The following CCPG1 variants were observed in gnomAD, a reference collection of about 807,000 sequenced individuals.
The protein encoded by CCPG1 is cell cycle progression 1, also known as cell cycle progression protein 1.
CCPG1 carries 46 observed loss-of-function variants against 81.3 expected under a neutral mutation model. The observed-to-expected ratio is 0.57, with a 90% CI of 0.45 to 0.72. The LOEUF (loss-of-function observed/expected upper bound fraction) is 0.72. Ranked by LOEUF, CCPG1 falls within the 30% of genes least tolerant of loss-of-function variation. The probability of loss-of-function intolerance (pLI) is 0.00; values close to 1 mark genes in which losing one functional copy is unlikely to be tolerated. For synonymous variants in CCPG1, 330 were observed against 305.2 expected (o/e 1.08, Z -0.85); for missense variants, 902 against 937.6 (o/e 0.96, Z 0.50).
At chr15:55,378,519 T>C (rs1295117942) in intron 3 of CCPG1, 143 bp from the exon 4 acceptor site, 5 of 518,454 alleles carry the variant, frequency 9.6e-6, no homozygotes, top group Middle Eastern at 5.1e-4. Context: ...CATACAATTA[T>C]AGAAGTCACT....
chr15:55,362,171 A>G (rs1427022601), intron 7 of CCPG1, among the ~76,000 whole-genome samples: 1 of 152,168 alleles, frequency 6.6e-6, no homozygotes, highest in African/African-American at 2.4e-5. Context: ...AACTTAAACA[A>G]TATGGTTCAA....
chr15:55,356,762 CAT>C, intron 8 of CCPG1: 1 of 1,016,440 alleles, frequency 9.8e-7, no homozygotes, highest in Non-Finnish European at 1.2e-6. Context: ...AGCAGAAATA[CAT>C]ACACATCTCT....
In CCPG1 at chr15:55,365,264, T is replaced by C; in HGVS notation, c.752A>G (p.His251Arg). The change falls in exon 7 of 9, where the codon CAT (histidine) becomes CGT (arginine). Residue 251 changes from histidine (H) to arginine (R), a missense_variant. This residue lies in a region of CCPG1 where 746 missense variants were observed against 728.6 expected (regional missense o/e 1.02). Coordinates refer to ENST00000442196, the MANE Select transcript of CCPG1 (RefSeq NM_001204450.2). Reference protein sequence around the residue: ...QKRQQLVRKIHEDELNDMKDY... With the variant: ...QKRQQLVRKIREDELNDMKDY... ...CTTCATATCATTCAATTCATCTTCA[T>C]GTATCTTTCTGACTAACTGTTGACG... 6.5e-7 allele frequency: 1 copy of C among 1,542,666 alleles called. No individual in the cohort carries two copies. The highest frequency in any genetic ancestry group is 8.9e-7 in the Non-Finnish European group (1 of 1,122,774).
intron 1 of CCPG1, among the ~76,000 whole-genome samples, chr15:55,401,623 G>C (rs939722011): frequency 6.7e-6 from 1 of 149,164 alleles, no homozygotes; most frequent in African/African-American, 2.5e-5. Context: ...CCGAGACCAC[G>C]CCATTTCACT....
intron 6 of CCPG1, 119 bp from the exon 7 acceptor site, chr15:55,365,428 TTTTG>T: frequency 1.5e-6 from 1 of 645,414 alleles, no homozygotes; most frequent in South Asian, 2.1e-5. Context: ...TGTTTTTTTT[TTTTG>T]TTTTTTTTTT....
intron 1 of CCPG1, among the ~76,000 whole-genome samples, chr15:55,391,553 C>G (rs574606796): frequency 1.0e-3 from 152 of 152,010 alleles, no homozygotes; most frequent in Non-Finnish European, 1.8e-3. Flanking sequence ...GACAGAAATA[C>G]ACAAAGACTG....
rs501231 is a variant in CCPG1 at position 55,360,833 on chromosome 15, A to G, written c.940T>C (p.Leu314=). The change falls in exon 8 of 9, where the codon TTG becomes CTG. Residue 314 remains leucine, a synonymous_variant. Coordinates refer to ENST00000442196, the MANE Select transcript of CCPG1 (RefSeq NM_001204450.2). ...GATAAGGCTTTTTCTTCCTTCTCCA[A>G]GGATACTCTTAAATACTGATTTTCT... The part of the protein sequence containing the change: ...ATENQYLRVS[L]EKEEKALSSL... The G allele has an allele frequency of 0.5, 812,617 of 1,610,710 alleles. 210,077 individuals are homozygous for G. The highest frequency in any genetic ancestry group is 0.66 in the African/African-American group (49,369 of 74,694).
chr15:55,379,789 A>G (rs2056643222), intron 3 of CCPG1, among the ~76,000 whole-genome samples: 1 of 152,102 alleles, frequency 6.6e-6, no homozygotes, highest in Non-Finnish European at 1.5e-5. Flanking sequence ...TGACTTCACA[A>G]TATATTTTTA....
At chr15:55,358,350 G>C in intron 8 of CCPG1, 1 of 984,394 alleles carries the variant, frequency 1.0e-6, no homozygotes, top group Non-Finnish European at 1.2e-6. Flanking sequence ...ATATCCTGAA[G>C]ATAAGGGGGG....
chr15:55,372,457 T>C (rs528446015), intron 5 of CCPG1: 50 of 208,222 alleles, frequency 2.4e-4, no homozygotes, highest in Non-Finnish European at 4.2e-4. Context: ...GGTCAGGAGT[T>C]CGAGATCAGC....
At chr15:55,393,559 G>A (rs1222924782) in intron 1 of CCPG1, among the ~76,000 whole-genome samples, 1 of 152,174 alleles carries the variant, frequency 6.6e-6, no homozygotes, top group Non-Finnish European at 1.5e-5. Flanking sequence ...CAGTGTTGAT[G>A]AGGGAAAGGG....
intron 1 of CCPG1, among the ~76,000 whole-genome samples, chr15:55,398,551 G>A (rs2057065916): frequency 6.6e-6 from 1 of 152,010 alleles, no homozygotes; most frequent in South Asian, 2.1e-4. Context: ...CATCACTTGA[G>A]AAAGGGAAGA....
intron 1 of CCPG1, among the ~76,000 whole-genome samples, chr15:55,395,935 CAGG>C (rs2057008152): frequency 6.6e-6 from 1 of 152,062 alleles, no homozygotes; most frequent in African/African-American, 2.4e-5. Context: ...GCAGGCAGAT[CAGG>C]AGGTCAGGAG....
intron 5 of CCPG1, chr15:55,372,821 G>C (rs772788258): frequency 2.8e-5 from 11 of 398,184 alleles, no homozygotes; most frequent in Non-Finnish European, 5.6e-5. Flanking sequence ...GACTTATAAA[G>C]TAAAATAACT....
intron 1 of CCPG1, among the ~76,000 whole-genome samples, chr15:55,407,384 A>AATT (rs1248345068): frequency 6.6e-6 from 1 of 152,210 alleles, no homozygotes; most frequent in Non-Finnish European, 1.5e-5. Context: ...TCTAATCTTA[A>AATT]AAGATACGAT....
At chr15:55,367,977 C>T (rs943286910) in intron 6 of CCPG1, among the ~76,000 whole-genome samples, 4 of 152,098 alleles carry the variant, frequency 2.6e-5, no homozygotes, top group Admixed American at 2.6e-4. Context: ...TTTTCTCTAA[C>T]CTGATAGCAG....
Position 55,355,998 on chromosome 15 carries a change from T to C in CCPG1, c.*222A>G. On this transcript the variant is annotated 3_prime_UTR_variant, in exon 9 of 9. Coordinates refer to ENST00000442196, the MANE Select transcript of CCPG1 (RefSeq NM_001204450.2). ...CCTTAATAAAACTACAGTTGAACAT[T>C]TCCAGTGTCAAAAAAAATTCAACGA... 2.0e-6 allele frequency: 1 copy of C among 508,738 alleles called. No individual in the cohort carries two copies. The highest frequency in any genetic ancestry group is 3.4e-6 in the Non-Finnish European group (1 of 293,030). 31.5% of individuals were successfully genotyped at this position (508,738 alleles called of 1,614,324 possible).
intron 6 of CCPG1, among the ~76,000 whole-genome samples, chr15:55,368,437 C>G (rs1360511054): frequency 6.6e-6 from 1 of 152,088 alleles, no homozygotes; most frequent in Non-Finnish European, 1.5e-5. Flanking sequence ...TAAGTGTACC[C>G]TTTGAGCTGT....
At chr15:55,393,185 A>G (rs1187875928) in intron 1 of CCPG1, among the ~76,000 whole-genome samples, 1 of 152,194 alleles carries the variant, frequency 6.6e-6, no homozygotes, top group Non-Finnish European at 1.5e-5. Context: ...CACCTGTAAC[A>G]GCACTTTCGG....
Sources: allele counts gnomAD v4.1 joint callset (sites outside exome capture counted in the v4.1 genomes callset), GRCh38; gene constraint gnomAD v4.1.1; regional missense constraint gnomAD v4.1.1; transcripts MANE v1.5; gene names NCBI Gene and HGNC (gene_info 2026-07-23, HGNC 2026-07-21).